ATG4C: variants seen among roughly 807,000 people sequenced by gnomAD.
ATG4C encodes the protein autophagy related 4C cysteine peptidase.
A neutral mutation model predicts 57.6 loss-of-function variants in ATG4C; 56 were observed. The observed-to-expected ratio is 0.97, with a 90% CI of 0.78 to 1.21. ATG4C has a LOEUF of 1.21. Among genes scored for constraint, ATG4C ranks in the 50% most tolerant of loss-of-function variants. The pLI is 0.00. For synonymous variants in ATG4C, 157 were observed against 174.1 expected (o/e 0.90, Z 0.78); for missense variants, 595 against 529.8 (o/e 1.12, Z -1.21).
chr1:62,803,667 C>T, intron 1 of ATG4C, 52 bp from the exon 2 acceptor site: 1 of 529,932 alleles, frequency 1.9e-6, no homozygotes, highest in Non-Finnish European at 3.3e-6. Flanking sequence ...AGGTATTGCT[C>T]CATGTAACCA....
At chr1:62,790,678 G>A (rs1003703123) in intron 1 of ATG4C, among the ~76,000 whole-genome samples, 2 of 152,116 alleles carry the variant, frequency 1.3e-5, no homozygotes, top group African/African-American at 4.8e-5. Context: ...GTAATATATA[G>A]TTATAGAGAA....
chr1:62,830,431 A>G (rs1665805768), intron 7 of ATG4C, among the ~76,000 whole-genome samples: 1 of 152,158 alleles, frequency 6.6e-6, no homozygotes, highest in Non-Finnish European at 1.5e-5. Flanking sequence ...AAACTGATGC[A>G]GTCTTGGAAC....
intron 1 of ATG4C, among the ~76,000 whole-genome samples, chr1:62,792,080 C>T (rs916632024): frequency 3.3e-5 from 5 of 152,156 alleles, no homozygotes; most frequent in Non-Finnish European, 5.9e-5. Context: ...TCACTGCAAC[C>T]TCTGCCTCCG....
At chr1:62,863,266 G>A (rs967581995) in intron 10 of ATG4C, among the ~76,000 whole-genome samples, 2 of 151,952 alleles carry the variant, frequency 1.3e-5, no homozygotes, top group Admixed American at 6.6e-5. Context: ...TACTATGTGT[G>A]AGAAGGTCAT....
intron 9 of ATG4C, 52 bp downstream of exon 9, chr1:62,834,904 A>G (rs748551797): frequency 2.1e-5 from 31 of 1,459,924 alleles, no homozygotes; most frequent in Non-Finnish European, 2.9e-5. Context: ...AAGTAAACTA[A>G]TTATTTAGAG....
At chr1:62,826,727 T>C (rs984393946) in intron 6 of ATG4C, among the ~76,000 whole-genome samples, 4 of 151,180 alleles carry the variant, frequency 2.6e-5, no homozygotes, top group African/African-American at 9.7e-5. Flanking sequence ...TATCTCCTAA[T>C]GCTATCCCTC....
intron 1 of ATG4C, among the ~76,000 whole-genome samples, chr1:62,797,315 A>G: frequency 6.6e-6 from 1 of 152,274 alleles, no homozygotes; most frequent in South Asian, 2.1e-4. Context: ...TATAATATGT[A>G]TATGCCATAA....
At chr1:62,849,219 C>T (rs779540715) in intron 10 of ATG4C, among the ~76,000 whole-genome samples, 2 of 152,084 alleles carry the variant, frequency 1.3e-5, no homozygotes, top group African/African-American at 4.8e-5. Flanking sequence ...TTCTTCCACC[C>T]GGGCATGCAT....
chr1:62,861,056 TAAA>T (rs1666835163), intron 10 of ATG4C, among the ~76,000 whole-genome samples: 1 of 152,220 alleles, frequency 6.6e-6, no homozygotes, highest in African/African-American at 2.4e-5. Context: ...TTTTAGCTAA[TAAA>T]GTAGCTTCAG....
chr1:62,797,570 T>A lies in ATG4C; in HGVS notation c.-68-6149T>A, dbSNP rs1343887705. ...AGGTTGAAAATATTTTGTATGTTTA[T>A]GGCCTTTTTCTTTTTCCAATTGCCT... On this transcript the variant is annotated intron_variant, in intron 1 of 10. Transcript: ENST00000317868. Among the ~76,000 whole-genome samples, 4 of 152,304 alleles carry A rather than the reference T, an allele frequency of 2.6e-5. No individual in the cohort carries two copies. In the East Asian group the frequency reaches 7.7e-4, roughly 29 times the overall value.
chr1:62,838,944 TAAC>T (rs1416702983), intron 9 of ATG4C, among the ~76,000 whole-genome samples: 11 of 152,210 alleles, frequency 7.2e-5, no homozygotes, highest in Non-Finnish European at 2.9e-5. Context: ...CAACCATGAA[TAAC>T]AATTTAGTGT....
intron 10 of ATG4C, among the ~76,000 whole-genome samples, chr1:62,860,581 A>G (rs2100368545): frequency 6.6e-6 from 1 of 152,370 alleles, no homozygotes; most frequent in South Asian, 2.1e-4. Context: ...TCTGTGGCAC[A>G]TGACTGTACT....
intron 3 of ATG4C, among the ~76,000 whole-genome samples, chr1:62,814,059 C>A (rs1390850484): frequency 6.6e-6 from 1 of 152,052 alleles, no homozygotes; most frequent in East Asian, 1.9e-4. Context: ...GATCTAGAAC[C>A]AGAAATATCA....
intron 1 of ATG4C, among the ~76,000 whole-genome samples, chr1:62,784,702 C>T (rs1217625998): frequency 6.6e-6 from 1 of 152,108 alleles, no homozygotes; most frequent in Non-Finnish European, 1.5e-5. Context: ...TCATTCCTAG[C>T]CTCTTTCTCC....
At position 62,829,311 on chromosome 1, in the gene ATG4C, T is replaced by G. The variant is rs1665768560; in HGVS notation, c.933+135T>G. ...CGTTGTACGTTGTAAAGTTTGACAT[T>G]AGAGATTTTAAATTTTGGTATTATA... is the stretch of plus-strand genomic sequence containing the variant. On this transcript the variant is annotated intron_variant, in intron 7 of 10. Transcript: ENST00000317868. The G allele has an allele frequency of 9.8e-6, 10 of 1,020,208 alleles. No homozygotes were observed. In the South Asian group the frequency reaches 1.5e-4, roughly 16 times the overall value. 63.2% of individuals were successfully genotyped at this position (1,020,208 alleles called of 1,614,324 possible). A position where few individuals can be genotyped will look rare whatever the true frequency, so the allele number is the denominator to read the frequency against.
chr1:62,814,065 T>C (rs1665181557), intron 3 of ATG4C, among the ~76,000 whole-genome samples: 1 of 152,122 alleles, frequency 6.6e-6, no homozygotes, highest in Non-Finnish European at 1.5e-5. Context: ...GAACCAGAAA[T>C]ATCATTTGAC....
At chr1:62,838,883 T>G (rs1190097071) in intron 9 of ATG4C, among the ~76,000 whole-genome samples, 1 of 152,160 alleles carries the variant, frequency 6.6e-6, no homozygotes, top group Admixed American at 6.5e-5. Flanking sequence ...GATCAGAGAT[T>G]TATATCTGTG....
intron 6 of ATG4C, among the ~76,000 whole-genome samples, chr1:62,823,242 A>G (rs893850599): frequency 6.6e-6 from 1 of 152,224 alleles, no homozygotes; most frequent in African/African-American, 2.4e-5. Context: ...CGTATTCTAC[A>G]AACACTTCAA....
intron 3 of ATG4C, among the ~76,000 whole-genome samples, chr1:62,815,821 A>G (rs745801426): frequency 9.2e-5 from 14 of 152,186 alleles, no homozygotes; most frequent in Non-Finnish European, 1.8e-4. Flanking sequence ...AGTAGCTGGG[A>G]CTACAGGTGC....
Sources: gnomAD v4.1 joint callset for allele counts (sites outside exome capture counted in the v4.1 genomes callset) on GRCh38, gnomAD v4.1.1 for gene constraint, MANE v1.5 for transcripts, NCBI Gene and HGNC (gene_info 2026-07-23, HGNC 2026-07-21) for gene names.